The following NUP205 variants were observed in gnomAD, a reference collection of about 807,000 sequenced individuals.
NUP205 encodes nuclear pore complex protein Nup205.
In NUP205, 76 loss-of-function variants were observed where a neutral mutation model predicts 253.8. The observed-to-expected ratio is 0.30, with a 90% CI of 0.25 to 0.36. NUP205 has a LOEUF of 0.36. NUP205 is among the 10% of genes least tolerant of loss of function. The pLI is 1.00. For synonymous variants in NUP205, 832 were observed against 850.1 expected (o/e 0.98, Z 0.37); for missense variants, 2,162 against 2,425.5 (o/e 0.89, Z 2.28).
chr7:135,614,314 A>G (rs112022880), intron 23 of NUP205, 41 bp downstream of exon 23: 2 of 1,031,162 alleles, frequency 1.9e-6, no homozygotes, highest in African/African-American at 1.6e-5. Context: ...ACACATTTAT[A>G]ATTCCATGTT....
chr7:135,631,960 A>AGGAT (rs1327202894), intron 35 of NUP205, among the ~76,000 whole-genome samples: 1 of 152,024 alleles, frequency 6.6e-6, no homozygotes, highest in Non-Finnish European at 1.5e-5. Context: ...CGTGTTAGCC[A>AGGAT]GGTCTTGATC....
At chr7:135,640,495 G>A (rs558698841) in intron 38 of NUP205, among the ~76,000 whole-genome samples, 3 of 152,288 alleles carry the variant, frequency 2.0e-5, no homozygotes, top group South Asian at 2.1e-4. Flanking sequence ...GCCTTTGATT[G>A]CATTTGATTG....
In NUP205 at chr7:135,619,479, C is replaced by G. The variant is rs1794428683; in HGVS notation, c.4020C>G (p.Phe1340Leu). 8 of 1,613,756 alleles carry G rather than the reference C, an allele frequency of 5.0e-6. No individual in the cohort carries two copies. Among genetic ancestry groups the G allele is most frequent in the Non-Finnish European group, 6.8e-6 (8 of 1,179,990 alleles). ...ELMPVVAGAV[F>L]TLTAHLSQAV... is the part of the protein sequence containing the mutation. ...TGCCTGTGGTCGCCGGGGCAGTGTT[C>G]ACACTGACTGCTCACCTAAGCCAGG... Residue 1340 changes from phenylalanine to leucine, a missense_variant, in exon 29 of 43, where the codon TTC becomes TTG. Physicochemically the swap from Phe to Leu is conservative, Grantham distance 22. Transcript: ENST00000285968.
At chr7:135,619,178 A>AG (rs1794421353) in intron 28 of NUP205, among the ~76,000 whole-genome samples, 1 of 152,098 alleles carries the variant, frequency 6.6e-6, no homozygotes, top group African/African-American at 2.4e-5. Flanking sequence ...AACCTGGGCA[A>AG]CATAGTGAGA....
At position 135,626,359 on chromosome 7, in the gene NUP205, G is replaced by A; in HGVS notation, c.4791G>A (p.Gln1597=). 1 of 1,613,996 alleles carries A rather than the reference G, an allele frequency of 6.2e-7. No individual in the cohort carries two copies. Among genetic ancestry groups the A allele is most frequent in the Non-Finnish European group, 8.5e-7 (1 of 1,179,948 alleles). Residue 1597 remains glutamine, a splice_region_variant and synonymous_variant, in exon 33 of 43, where the codon CAG becomes CAA. Transcript: ENST00000285968. ...ACATGCGCCCAGAAACGGACCCGCA[G>A]AGGTAAGTGTCTGTATAGATTAATT... ...VYDMRPETDP[Q]SMFGMRDPPM...
intron 33 of NUP205, among the ~76,000 whole-genome samples, chr7:135,627,210 A>C (rs1014661315): frequency 3.3e-5 from 5 of 152,134 alleles, no homozygotes; most frequent in Admixed American, 2.0e-4. Flanking sequence ...TTGGTCTAAA[A>C]ATTTAAATAT....
intron 17 of NUP205, among the ~76,000 whole-genome samples, chr7:135,601,844 T>C (rs1240711121): frequency 3.3e-5 from 5 of 152,228 alleles, no homozygotes; most frequent in Admixed American, 3.3e-4. Flanking sequence ...GGACTTACTA[T>C]AGTGCTTGAT....
In NUP205 at chr7:135,644,927, T is replaced by C. The variant is rs1351666803; in HGVS notation, c.5592T>C (p.Asp1864=). ...AGTCTGTGATGCCTGCTGGTGTTGA[T>C]AAAATCTCCACTGCTCAGAAATATG... ...LCQSVMPAGV[D]KISTAQKYVL... The change falls in exon 40 of 43, where the codon GAT becomes GAC. Residue 1864 remains aspartate, a synonymous_variant. Transcript: ENST00000285968. The C allele has an allele frequency of 1.2e-6, 2 of 1,613,988 alleles. No individual in the cohort carries two copies. Among genetic ancestry groups the C allele is most frequent in the Non-Finnish European group, 1.7e-6 (2 of 1,179,978 alleles).
chr7:135,648,491 C>G lies in NUP205; in HGVS notation c.5974C>G (p.Arg1992Gly), dbSNP rs371274434. Residue 1992 changes from arginine to glycine, a missense_variant, in exon 43 of 43, where the codon CGA becomes GGA. This residue lies in a region of NUP205 where 1,144 missense variants were observed against 1,280.9 expected (regional missense o/e 0.89). Coordinates refer to ENST00000285968, the MANE Select transcript of NUP205 (RefSeq NM_015135.3). Reference protein sequence around the residue: ...IEGLYSKVRSRYSFIQALVRR... With the variant: ...IEGLYSKVRSGYSFIQALVRR... ...AGGATTATATTCAAAAGTTCGATCT[C>G]GATATAGTTTCATACAGGCTCTTGT... is the stretch of plus-strand genomic sequence containing the variant. 1.2e-6 allele frequency: 2 copies of G among 1,606,742 alleles called. No individual in the cohort carries two copies. The highest frequency in any genetic ancestry group is 1.7e-6 in the Non-Finnish European group (2 of 1,177,710).
chr7:135,606,715 TG>T (rs1794092759), intron 20 of NUP205, 35 bp from the exon 21 acceptor site: 1 of 1,558,132 alleles, frequency 6.4e-7, no homozygotes, highest in Admixed American at 1.7e-5. Context: ...AACTTTCCAC[TG>T]TTTTGTAATT....
intron 18 of NUP205, among the ~76,000 whole-genome samples, chr7:135,603,321 G>A (rs1012088369): frequency 6.6e-6 from 1 of 151,648 alleles, no homozygotes; most frequent in Non-Finnish European, 1.5e-5. Flanking sequence ...CACCATGTTG[G>A]TGAGGCTGGT....
At chr7:135,605,045 A>T (rs916030964) in intron 19 of NUP205, among the ~76,000 whole-genome samples, 11 of 150,984 alleles carry the variant, frequency 7.3e-5, no homozygotes, top group Non-Finnish European at 1.0e-4. Context: ...TGCTTTAGCT[A>T]GTTGAAGAAT....
At chr7:135,646,966 C>T (rs969521326) in intron 42 of NUP205, among the ~76,000 whole-genome samples, 1 of 152,172 alleles carries the variant, frequency 6.6e-6, no homozygotes. Flanking sequence ...AAGTATCACT[C>T]AGCACTTATT....
At chr7:135,614,012 T>C (rs1269994415) in intron 22 of NUP205, 147 bp from the exon 23 acceptor site, 3 of 517,798 alleles carry the variant, frequency 5.8e-6, no homozygotes, top group Non-Finnish European at 1.0e-5. Context: ...TCTGAGCTTA[T>C]GTTTTGTGCA....
At chr7:135,586,940 G>A (rs1806480003) in intron 8 of NUP205, among the ~76,000 whole-genome samples, 1 of 152,110 alleles carries the variant, frequency 6.6e-6, no homozygotes, top group Non-Finnish European at 1.5e-5. Context: ...CAAGTTGGTT[G>A]ATGCTGTTTT....
At chr7:135,629,562 C>T (rs1584686109) in intron 34 of NUP205, among the ~76,000 whole-genome samples, 1 of 142,018 alleles carries the variant, frequency 7.0e-6, no homozygotes, top group East Asian at 2.2e-4. Context: ...AGTCTCACTT[C>T]GTCACCCAGG....
Position 135,625,333 on chromosome 7 carries a change from T to G in NUP205, c.4649T>G (p.Leu1550Arg), listed in dbSNP as rs1563134236. The change falls in exon 32 of 43, where the codon CTT becomes CGT. Residue 1550 changes from leucine to arginine, a missense_variant. Coordinates refer to ENST00000285968, the MANE Select transcript of NUP205 (RefSeq NM_015135.3). ...CCACAGCCTCCCCTTTTAAAAGCACTTTATACTTATGAATCTAAAATGGTA... is the reference window on the plus strand; with the variant it reads ...CCACAGCCTCCCCTTTTAAAAGCACGTTATACTTATGAATCTAAAATGGTA... ...LTPQPPLLKA[L>R]YTYESKMAFL... 6.3e-7 allele frequency: 1 copy of G among 1,599,628 alleles called. No homozygotes were observed. Among genetic ancestry groups the G allele is most frequent in the Non-Finnish European group, 8.5e-7 (1 of 1,175,436 alleles).
chr7:135,638,213 C>G (rs1039277238), intron 37 of NUP205, among the ~76,000 whole-genome samples, 154 bp downstream of exon 37: 5 of 152,090 alleles, frequency 3.3e-5, no homozygotes, highest in African/African-American at 1.2e-4. Flanking sequence ...AGTTGAAGAC[C>G]ATCCTAGCCA....
intron 1 of NUP205, among the ~76,000 whole-genome samples, chr7:135,564,501 G>C (rs183825905): frequency 6.6e-6 from 1 of 151,024 alleles, no homozygotes. Context: ...TGCCCACCTC[G>C]GCCTCCCAAA....
Sources: allele counts gnomAD v4.1 joint callset (sites outside exome capture counted in the v4.1 genomes callset), GRCh38; gene constraint gnomAD v4.1.1; regional missense constraint gnomAD v4.1.1; transcripts MANE v1.5; gene names NCBI Gene and HGNC (gene_info 2026-07-23, HGNC 2026-07-21).